DCAF6: variants seen among roughly 807,000 people sequenced by gnomAD.
DCAF6 encodes DDB1 and CUL4 associated factor 6.
In DCAF6, 54 loss-of-function variants were observed where a neutral mutation model predicts 125.1. The observed-to-expected ratio is 0.43, with a 90% CI of 0.35 to 0.54. The LOEUF is 0.54. Ranked by LOEUF, DCAF6 falls within the 20% of genes least tolerant of loss-of-function variation. The pLI, the probability that DCAF6 is intolerant of heterozygous loss-of-function variation, is 0.01. For missense variants in DCAF6, 934 were observed against 1,161.7 expected (o/e 0.80, Z 2.85); for synonymous variants, 371 against 390.4 (o/e 0.95, Z 0.58).
the DCAF6 span, chr1:167,883,350 T>A: frequency 6.8e-7 from 1 of 1,479,394 alleles, no homozygotes; most frequent in Non-Finnish European, 9.4e-7. Flanking sequence ...TAGGTTAAAT[T>A]TCCTGTGTCT....
At chr1:167,883,281 G>A in the DCAF6 span, among the ~76,000 whole-genome samples, 3 of 152,120 alleles carry the variant, frequency 2.0e-5, no homozygotes, top group Admixed American at 2.0e-4. Flanking sequence ...CAAGTGATCC[G>A]CCCACCTCTG....
At chr1:167,955,146 G>C (rs911376003) in intron 2 of DCAF6, among the ~76,000 whole-genome samples, 1 of 152,162 alleles carries the variant, frequency 6.6e-6, no homozygotes. Context: ...TTATTGTATG[G>C]ATAAATCATA....
chr1:167,890,311 G>A, the DCAF6 span, among the ~76,000 whole-genome samples: 1 of 152,178 alleles, frequency 6.6e-6, no homozygotes, highest in Non-Finnish European at 1.5e-5. Context: ...GACTTATAGA[G>A]GTACCACCTT....
the DCAF6 span, among the ~76,000 whole-genome samples, chr1:167,884,337 G>A: frequency 1.3e-5 from 2 of 152,140 alleles, no homozygotes; most frequent in Non-Finnish European, 1.5e-5. Flanking sequence ...AGAGCAGGGG[G>A]AGTGCTACAC....
intron 3 of DCAF6, among the ~76,000 whole-genome samples, chr1:167,967,714 CTT>C (rs552208317): frequency 3.6e-3 from 266 of 74,556 alleles, no homozygotes; most frequent in African/African-American, 6.1e-3. Context: ...TTTCCTGTAT[CTT>C]TTTTTTTTTT....
At chr1:167,902,615 A>C in the DCAF6 span, among the ~76,000 whole-genome samples, 11 of 152,270 alleles carry the variant, frequency 7.2e-5, no homozygotes, top group African/African-American at 2.7e-4. Flanking sequence ...GCCAAGTCAG[A>C]TGCAGAAAGG....
At chr1:167,928,911 A>G in the DCAF6 span, among the ~76,000 whole-genome samples, 1 of 152,254 alleles carries the variant, frequency 6.6e-6, no homozygotes, top group Non-Finnish European at 1.5e-5. Context: ...TTATAGCCCA[A>G]GATGAAAGAA....
At chr1:167,936,124 A>G (rs1452870448), upstream of DCAF6, 2 of 474,432 alleles carry the variant, frequency 4.2e-6, no homozygotes, top group Admixed American at 3.4e-5. Context: ...TGCCAAAATA[A>G]TCACCTCACC....
intron 7 of DCAF6, among the ~76,000 whole-genome samples, chr1:168,000,002 G>A (rs1347191348): frequency 1.3e-5 from 2 of 152,044 alleles, no homozygotes; most frequent in African/African-American, 2.4e-5. Flanking sequence ...TAGCTTAATC[G>A]TTTCTAGCTT....
chr1:168,042,008 C>A (rs1250815833), intron 13 of DCAF6, among the ~76,000 whole-genome samples: 1 of 151,442 alleles, frequency 6.6e-6, no homozygotes, highest in African/African-American at 2.4e-5. Context: ...GCCTTCCTGA[C>A]ATTTTTCTCT....
intron 11 of DCAF6, among the ~76,000 whole-genome samples, chr1:168,018,392 C>T (rs1172736477): frequency 6.6e-6 from 1 of 152,052 alleles, no homozygotes; most frequent in African/African-American, 2.4e-5. Flanking sequence ...TTTGGTTGTT[C>T]ACTCTTTGTC....
chr1:168,024,087 C>CTCCCT (rs1686015163), intron 12 of DCAF6: 9 of 151,616 alleles, frequency 5.9e-5, no homozygotes. Flanking sequence ...TGTGGTGGTG[C>CTCCCT]ATGCCTGTAG....
In DCAF6 at chr1:168,068,354, G is replaced by GT; in HGVS notation, c.2686-3dup. 1 of 1,599,524 alleles carries GT rather than the reference G, an allele frequency of 6.3e-7. No homozygotes were observed. Among genetic ancestry groups the GT allele is most frequent in the Non-Finnish European group, 8.6e-7 (1 of 1,169,176 alleles). On this transcript the variant is annotated splice_region_variant and splice_polypyrimidine_tract_variant and intron_variant, in intron 20 of 21. Coordinates refer to ENST00000367840, the MANE Select transcript of DCAF6 (RefSeq NM_001198956.2). The stretch of plus-strand genomic sequence containing the variant: ...TTTGATACGATTTTTAACTTGCCTT[G>GT]TAGGTTATAACTCGAAACGAACTCA...
chr1:167,888,801 G>A, the DCAF6 span, among the ~76,000 whole-genome samples: 22 of 150,488 alleles, frequency 1.5e-4, no homozygotes, highest in African/African-American at 4.6e-4. Context: ...GAGTGAACCC[G>A]GGAGGCGGAG....
the DCAF6 span, chr1:167,880,514 G>C: frequency 1.9e-6 from 3 of 1,614,016 alleles, no homozygotes; most frequent in Non-Finnish European, 8.5e-7. Flanking sequence ...CTTGAGAGCA[G>C]AAGTCAAATA....
At chr1:168,071,453 TAAA>T (rs111408192) in intron 21 of DCAF6, among the ~76,000 whole-genome samples, 1 of 151,362 alleles carries the variant, frequency 6.6e-6, no homozygotes, top group African/African-American at 2.4e-5. Context: ...AAATAAAAAA[TAAA>T]AAAAATTATA....
intron 1 of DCAF6, among the ~76,000 whole-genome samples, chr1:167,949,475 C>T (rs906258402): frequency 3.3e-5 from 5 of 152,144 alleles, no homozygotes; most frequent in Non-Finnish European, 7.3e-5. Flanking sequence ...GGATAAAGGT[C>T]GGGCAGGTTT....
At chr1:167,881,599 A>G in the DCAF6 span, among the ~76,000 whole-genome samples, 1 of 152,232 alleles carries the variant, frequency 6.6e-6, no homozygotes, top group Non-Finnish European at 1.5e-5. Context: ...CCCCCTAGCA[A>G]TGGAATGACA....
chr1:168,018,536 C>A (rs1244877796), intron 11 of DCAF6, among the ~76,000 whole-genome samples: 2 of 152,010 alleles, frequency 1.3e-5, no homozygotes, highest in Non-Finnish European at 2.9e-5. Flanking sequence ...TCCCTGAAGC[C>A]CAGTTTGAAA....
Sources: allele counts gnomAD v4.1 joint callset (sites outside exome capture counted in the v4.1 genomes callset), GRCh38; gene constraint gnomAD v4.1.1; transcripts MANE v1.5; gene names NCBI Gene and HGNC (gene_info 2026-07-23, HGNC 2026-07-21).